Variants in DZIP3 observed in about 807,000 individuals in gnomAD.
The protein encoded by DZIP3 is E3 ubiquitin-protein ligase DZIP3.
A neutral mutation model predicts 162.0 loss-of-function variants in DZIP3; 118 were observed. That is an observed-to-expected ratio of 0.73 (90% confidence interval 0.63 to 0.85). The LOEUF (loss-of-function observed/expected upper bound fraction) is 0.85, where lower values mean the gene tolerates loss of function less well. Among genes scored for constraint, DZIP3 ranks in the 40% least tolerant of loss-of-function variants. The pLI is 0.00. For missense variants in DZIP3, 1,331 were observed against 1,407.0 expected, an observed-to-expected ratio of 0.95 and a Z score of 0.86; for synonymous variants, 438 against 458.6, an observed-to-expected ratio of 0.96 and a Z score of 0.57.
intron 28 of DZIP3, 100 bp downstream of exon 28, chr3:108,686,684 C>CA: frequency 7.6e-7 from 1 of 1,313,776 alleles, no homozygotes; most frequent in Non-Finnish European, 1.0e-6. Flanking sequence ...ATAACAAACA[C>CA]AAAAAAAGTA....
At chr3:108,635,083 TTCC>T (rs1942076900) in intron 10 of DZIP3, 111 bp downstream of exon 10, 2 of 591,110 alleles carry the variant, frequency 3.4e-6, no homozygotes, top group South Asian at 2.7e-5. Flanking sequence ...TGCTTTTTAC[TTCC>T]TCCTTTTTTT....
At chr3:108,661,757 G>T (rs1943446105) in intron 19 of DZIP3, 120 bp from the exon 20 acceptor site, 1 of 665,936 alleles carries the variant, frequency 1.5e-6, no homozygotes, top group African/African-American at 1.8e-5. Flanking sequence ...TATCTAAATT[G>T]AGTGTTTGAC....
chr3:108,671,711 A>G (rs574063748), intron 22 of DZIP3, among the ~76,000 whole-genome samples: 21 of 151,716 alleles, frequency 1.4e-4, no homozygotes, highest in African/African-American at 4.1e-4. Flanking sequence ...TAGAAATTTT[A>G]TGTAGAACTT....
At chr3:108,690,691 A>G in intron 31 of DZIP3, 96 bp from the exon 32 acceptor site, 1 of 1,079,008 alleles carries the variant, frequency 9.3e-7, no homozygotes. Context: ...AAGATCCACC[A>G]GAAGACATGT....
In DZIP3 at chr3:108,622,160, T is replaced by C. The variant is rs999211104; in HGVS notation, c.376-2284T>C. 7.2e-5 allele frequency among the ~76,000 whole-genome samples: 11 copies of C among 152,304 alleles called. No individual in the cohort carries two copies. The East Asian group carries it at 2.1e-3, about 29-fold the overall frequency. ...AAACTTTGCATGTTCTCACTCATTTTTGGGAGCCAAAAATTAAAACAAGTG... is the reference window on the plus strand; with the variant it reads ...AAACTTTGCATGTTCTCACTCATTTCTGGGAGCCAAAAATTAAAACAAGTG... On this transcript the variant is annotated intron_variant, in intron 5 of 32. Coordinates refer to ENST00000361582, the MANE Select transcript of DZIP3 (RefSeq NM_014648.4).
rs1941034949 is a variant in DZIP3 at position 108,616,667 on chromosome 3, T to G, written c.375+10T>G. On this transcript the variant is annotated intron_variant, in intron 5 of 32. Transcript: ENST00000361582. The stretch of plus-strand genomic sequence containing the variant: ...AGCTGGCAATTATACCGTAAGTGTT[T>G]TCTTTTTGGAAATTTGATATAATGG... 2 of 1,544,072 alleles carry G rather than the reference T, an allele frequency of 1.3e-6. No homozygotes were observed. Among genetic ancestry groups the G allele is most frequent in the Non-Finnish European group, 1.8e-6 (2 of 1,138,254 alleles).
intron 17 of DZIP3, 61 bp downstream of exon 17, chr3:108,649,023 T>C (rs766403148): frequency 1.5e-5 from 15 of 972,874 alleles, no homozygotes; most frequent in Non-Finnish European, 1.9e-5. Context: ...ATACATGAAT[T>C]CATTGTTAGA....
At chr3:108,661,402 A>G (rs1024880048) in intron 19 of DZIP3, among the ~76,000 whole-genome samples, 4 of 152,030 alleles carry the variant, frequency 2.6e-5, no homozygotes, top group Non-Finnish European at 4.4e-5. Context: ...ACGAAACACC[A>G]CATGTTCTCA....
chr3:108,591,978 CAAA>C lies in DZIP3; in HGVS notation c.-73+2156_-73+2158del, dbSNP rs34569028. On this transcript the variant is annotated intron_variant, in intron 1 of 32. Coordinates refer to ENST00000361582, the MANE Select transcript of DZIP3 (RefSeq NM_014648.4). ...CCTGGGTGGCAGAGTGAGACCCTGTCAAAAAAAAAAAAAAAAAAAGAGATGAGT... is the reference window on the plus strand; with the variant it reads ...CCTGGGTGGCAGAGTGAGACCCTGTCAAAAAAAAAAAAAAAAGAGATGAGT... 7.8e-3 allele frequency among the ~76,000 whole-genome samples: 864 copies of C among 110,326 alleles called. 10 individuals are homozygous for C. Among genetic ancestry groups the C allele is most frequent in the African/African-American group, 0.025 (787 of 31,032 alleles). 72.4% of individuals were successfully genotyped at this position (110,326 alleles called of 152,430 possible). A position where few individuals can be genotyped will look rare whatever the true frequency, so the allele number is the denominator to read the frequency against.
intron 1 of DZIP3, among the ~76,000 whole-genome samples, chr3:108,603,457 T>TGA (rs1401070975): frequency 6.6e-6 from 1 of 152,190 alleles, no homozygotes. Context: ...TCATCAGTAT[T>TGA]TGAACAGAGA....
chr3:108,662,060 G>T, intron 20 of DZIP3, 70 bp from the exon 21 acceptor site: 1 of 1,567,064 alleles, frequency 6.4e-7, no homozygotes, highest in Non-Finnish European at 8.6e-7. Context: ...AAAGAACTTA[G>T]TTTGCTTTTT....
rs1237944318 is a variant in DZIP3 at position 108,688,929 on chromosome 3, C to T, written c.3516+5C>T. ...GCTCACAAATTCCATGCTCAGGTAA[C>T]ACTTTAAATTTTCCCATTAATCAGC... On this transcript the variant is annotated splice_donor_5th_base_variant and intron_variant, in intron 31 of 32. Coordinates refer to ENST00000361582, the MANE Select transcript of DZIP3 (RefSeq NM_014648.4). 1.2e-6 allele frequency: 2 copies of T among 1,613,442 alleles called. No homozygotes were observed. The highest frequency in any genetic ancestry group is 2.2e-5 in the East Asian group (1 of 44,862).
At chr3:108,659,486 C>T (rs1403436424) in intron 19 of DZIP3, among the ~76,000 whole-genome samples, 2 of 152,144 alleles carry the variant, frequency 1.3e-5, no homozygotes, top group Non-Finnish European at 2.9e-5. Flanking sequence ...TGGGATGTAT[C>T]TCAAAATAGT....
intron 5 of DZIP3, among the ~76,000 whole-genome samples, chr3:108,619,987 G>A (rs554379988): frequency 1.3e-5 from 2 of 151,870 alleles, no homozygotes; most frequent in Admixed American, 1.3e-4. Context: ...TCAGAGATTT[G>A]CTAGAAGGAC....
At chr3:108,677,787 T>C (rs1944165902) in intron 26 of DZIP3, among the ~76,000 whole-genome samples, 189 bp downstream of exon 26, 1 of 152,070 alleles carries the variant, frequency 6.6e-6, no homozygotes, top group Non-Finnish European at 1.5e-5. Context: ...GTGAGGCCTA[T>C]ACAATAGGTT....
chr3:108,663,328 G>A (rs1003089610), intron 21 of DZIP3, among the ~76,000 whole-genome samples: 6 of 151,998 alleles, frequency 3.9e-5, no homozygotes, highest in East Asian at 1.9e-4. Flanking sequence ...AGGCTGAGGC[G>A]GGTGGATCAC....
intron 11 of DZIP3, 24 bp from the exon 12 acceptor site, chr3:108,637,472 A>T: frequency 6.2e-7 from 1 of 1,605,088 alleles, no homozygotes; most frequent in Non-Finnish European, 8.5e-7. Context: ...CTTTAGGGCT[A>T]TTTTTTTTCC....
chr3:108,679,850 C>G (rs992577025), intron 26 of DZIP3, among the ~76,000 whole-genome samples: 12 of 152,060 alleles, frequency 7.9e-5, no homozygotes, highest in African/African-American at 2.9e-4. Flanking sequence ...ATAGTAGAGA[C>G]TTCTATGAAA....
At chr3:108,594,888 G>C (rs981478498) in intron 1 of DZIP3, among the ~76,000 whole-genome samples, 3 of 151,988 alleles carry the variant, frequency 2.0e-5, no homozygotes, top group African/African-American at 7.3e-5. Flanking sequence ...AGAAAGTAAA[G>C]GCTAATAGAC....
Sources: allele counts gnomAD v4.1 joint callset (sites outside exome capture counted in the v4.1 genomes callset), GRCh38; gene constraint gnomAD v4.1.1; transcripts MANE v1.5; gene names NCBI Gene and HGNC (gene_info 2026-07-23, HGNC 2026-07-21).